Variants in SDK1 observed in about 807,000 individuals in gnomAD.
SDK1 encodes protein sidekick-1.
Under a neutral mutation model 245.5 loss-of-function variants are expected in SDK1, and 157 were observed. The observed-to-expected ratio is 0.64, with a 90% CI of 0.56 to 0.73. The LOEUF is 0.73. Ranked by LOEUF, SDK1 falls within the 30% of genes least tolerant of loss-of-function variation. The pLI, the probability that SDK1 is intolerant of heterozygous loss-of-function variation, is 0.00. For synonymous variants in SDK1, 1,647 were observed against 1,278.5 expected (o/e 1.29, Z -6.15); for missense variants, 3,583 against 3,002.3 (o/e 1.19, Z -4.52).
chr7:3,723,176 T>G (rs1246461884), intron 4 of SDK1, among the ~76,000 whole-genome samples: 8 of 152,184 alleles, frequency 5.3e-5, no homozygotes, highest in Non-Finnish European at 1.2e-4. Flanking sequence ...GTACTCAAAA[T>G]TGAGCTTTGT....
chr7:4,203,239 G>T (rs561730068), intron 35 of SDK1, among the ~76,000 whole-genome samples: 1 of 152,172 alleles, frequency 6.6e-6, no homozygotes, highest in Non-Finnish European at 1.5e-5. Context: ...TTCCACGATG[G>T]CTGTCAGGTG....
At chr7:3,906,773 G>A (rs1469610313) in intron 5 of SDK1, among the ~76,000 whole-genome samples, 1 of 151,818 alleles carries the variant, frequency 6.6e-6, no homozygotes, top group Non-Finnish European at 1.5e-5. Flanking sequence ...GACTACAGGT[G>A]CACGCCACCA....
chr7:3,420,665 G>C (rs377707202), intron 1 of SDK1, among the ~76,000 whole-genome samples: 2 of 152,188 alleles, frequency 1.3e-5, no homozygotes, highest in East Asian at 1.9e-4. Context: ...TGTTATTTTA[G>C]AGAAAGTAAA....
intron 1 of SDK1, among the ~76,000 whole-genome samples, chr7:3,340,807 C>G: frequency 6.7e-6 from 1 of 149,908 alleles, no homozygotes; most frequent in East Asian, 2.0e-4. Flanking sequence ...CAATAAAGTG[C>G]AATAAAACAA....
Position 3,653,307 on chromosome 7 carries a change from C to T in SDK1, c.713+11202C>T, listed in dbSNP as rs530989865. On this transcript the variant is annotated intron_variant, in intron 4 of 44. Transcript: ENST00000404826. ...CCTCACTCCAGGGTCCACGTGTAAG[C>T]TGTTGTAGGCGTTCTGTTTTCTTGA... Among the ~76,000 whole-genome samples the T allele has an allele frequency of 5.9e-5, 9 of 152,262 alleles. 1 individual carries two copies. The highest frequency in any genetic ancestry group is 5.9e-4 in the Admixed American group (9 of 15,292).
chr7:3,754,088 A>G (rs976889601), intron 4 of SDK1, among the ~76,000 whole-genome samples: 2 of 152,218 alleles, frequency 1.3e-5, no homozygotes, highest in African/African-American at 4.8e-5. Context: ...GATGTTTTAG[A>G]TTAGCCAGTC....
intron 1 of SDK1, among the ~76,000 whole-genome samples, chr7:3,604,602 C>CTTTTTTTTTTTTTTTTTTTTTT (rs201453008): frequency 3.6e-5 from 4 of 110,522 alleles, no homozygotes; most frequent in African/African-American, 6.8e-5. Flanking sequence ...CTTTTCTTTT[C>CTTTTTTTTTTTTTTTTTTTTTT]TTTTTTTTTT....
intron 22 of SDK1, among the ~76,000 whole-genome samples, chr7:4,089,053 C>G (rs1195737238): frequency 6.6e-6 from 1 of 151,768 alleles, no homozygotes; most frequent in African/African-American, 2.4e-5. Context: ...AGGTGAGACT[C>G]TCCCTCAGGT....
chr7:3,839,183 C>T (rs1013053868), intron 5 of SDK1, among the ~76,000 whole-genome samples: 1 of 152,198 alleles, frequency 6.6e-6, no homozygotes, highest in African/African-American at 2.4e-5. Flanking sequence ...GCTTTTCTCC[C>T]TCCTTGCAAG....
At chr7:3,994,905 G>A (rs1175611945) in intron 14 of SDK1, among the ~76,000 whole-genome samples, 1 of 152,132 alleles carries the variant, frequency 6.6e-6, no homozygotes, top group Non-Finnish European at 1.5e-5. Context: ...CTCACTGAGT[G>A]GTTTCCCCTG....
At chr7:3,440,201 T>C (rs1562487595) in intron 1 of SDK1, among the ~76,000 whole-genome samples, 1 of 152,142 alleles carries the variant, frequency 6.6e-6, no homozygotes, top group Admixed American at 6.5e-5. Flanking sequence ...AAAATGAAGG[T>C]GTATTCCAGA....
chr7:4,216,562 G>A (rs1013837236), intron 38 of SDK1, among the ~76,000 whole-genome samples: 8 of 152,230 alleles, frequency 5.3e-5, no homozygotes, highest in South Asian at 4.1e-4. Context: ...GAGTCTGTGC[G>A]TGTCCCAGGG....
chr7:4,068,129 T>C (rs1168518000), intron 20 of SDK1, among the ~76,000 whole-genome samples, 193 bp downstream of exon 20: 1 of 152,148 alleles, frequency 6.6e-6, no homozygotes, highest in Non-Finnish European at 1.5e-5. Flanking sequence ...CAGCCTGGTC[T>C]GGGGCCCTTT....
At chr7:4,249,721 C>G (rs1396831147) in intron 44 of SDK1, among the ~76,000 whole-genome samples, 1 of 152,196 alleles carries the variant, frequency 6.6e-6, no homozygotes, top group Non-Finnish European at 1.5e-5. Context: ...TTGCTGCATC[C>G]TGCTTTTGAA....
intron 14 of SDK1, among the ~76,000 whole-genome samples, chr7:3,989,675 C>T (rs1199254939): frequency 2.6e-5 from 4 of 152,168 alleles, no homozygotes; most frequent in Admixed American, 1.3e-4. Context: ...TGGTGCTGCT[C>T]ACTTTTCTGG....
chr7:3,584,037 G>A (rs1337590762), intron 1 of SDK1, among the ~76,000 whole-genome samples: 8 of 152,166 alleles, frequency 5.3e-5, no homozygotes, highest in Admixed American at 5.2e-4. Flanking sequence ...AATCTAAGGT[G>A]CCAGGGAGAA....
intron 1 of SDK1, among the ~76,000 whole-genome samples, chr7:3,516,124 T>TC (rs951182608): frequency 4.0e-5 from 6 of 151,684 alleles, no homozygotes; most frequent in African/African-American, 9.7e-5. Context: ...TTTTCTTTTT[T>TC]TTTTTTTGGT....
At chr7:3,432,123 A>AT (rs5881985) in intron 1 of SDK1, among the ~76,000 whole-genome samples, 53,834 of 137,908 alleles carry the variant, frequency 0.39, 10,297 homozygotes, top group South Asian at 0.49. Flanking sequence ...AAAAAAAAAA[A>AT]AATATATATA....
rs547540483 is a variant in SDK1 at position 3,565,250 on chromosome 7, C to T, written c.299-53830C>T. On this transcript the variant is annotated intron_variant, in intron 1 of 44. Transcript: ENST00000404826. ...TACTTCACCTCCCTCTTCCGGAGGT[C>T]ATGATAAAGCATCTAAATTGCATCC... 4.6e-5 allele frequency among the ~76,000 whole-genome samples: 7 copies of T among 152,160 alleles called. No homozygotes were observed. The East Asian group carries it at 1.4e-3, about 29-fold the overall frequency.
Sources: allele counts gnomAD v4.1 joint callset (sites outside exome capture counted in the v4.1 genomes callset), GRCh38; gene constraint gnomAD v4.1.1; transcripts MANE v1.5; gene names NCBI Gene and HGNC (gene_info 2026-07-23, HGNC 2026-07-21).